Variants in PRKG1 observed in about 807,000 individuals in gnomAD.
PRKG1 encodes the protein protein kinase cGMP-dependent 1.
In PRKG1, 35 loss-of-function variants were observed where a neutral mutation model predicts 88.1. That is an observed-to-expected ratio of 0.40 (90% CI 0.30 to 0.53). The LOEUF (loss-of-function observed/expected upper bound fraction) is 0.53, where lower values mean the gene tolerates loss of function less well. Among genes scored for constraint, PRKG1 ranks in the 20% least tolerant of loss-of-function variants. PRKG1 has a pLI of 0.59. For synonymous variants in PRKG1, 303 were observed against 292.5 expected (o/e 1.04, Z -0.37); for missense variants, 540 against 839.8 (o/e 0.64, Z 4.41).
At chr10:52,237,535 A>T (rs1031017217) in intron 9 of PRKG1, among the ~76,000 whole-genome samples, 23 of 135,748 alleles carry the variant, frequency 1.7e-4, no homozygotes, top group African/African-American at 6.7e-4. Flanking sequence ...ACAGACAAAC[A>T]GAGAGCCAAA....
chr10:52,070,052 A>AG (rs1427062035), intron 7 of PRKG1, among the ~76,000 whole-genome samples: 2 of 152,164 alleles, frequency 1.3e-5, no homozygotes, highest in Non-Finnish European at 2.9e-5. Flanking sequence ...TAAACTCCAA[A>AG]TTAATTACTC....
chr10:51,808,955 C>G (rs1421626460), intron 4 of PRKG1, among the ~76,000 whole-genome samples: 2 of 152,082 alleles, frequency 1.3e-5, no homozygotes, highest in African/African-American at 2.4e-5. Context: ...ATGAGTGGCT[C>G]TCTATAATTT....
At chr10:51,753,396 T>C (rs1837777021) in intron 3 of PRKG1, among the ~76,000 whole-genome samples, 1 of 152,158 alleles carries the variant, frequency 6.6e-6, no homozygotes, top group Non-Finnish European at 1.5e-5. Flanking sequence ...GATGGTCTAT[T>C]TATATTTATC....
At chr10:51,783,762 C>A (rs1468156459) in intron 3 of PRKG1, among the ~76,000 whole-genome samples, 1 of 152,066 alleles carries the variant, frequency 6.6e-6, no homozygotes, top group Non-Finnish European at 1.5e-5. Flanking sequence ...AGAACCGCTG[C>A]CTAAGTTTTG....
intron 10 of PRKG1, among the ~76,000 whole-genome samples, chr10:52,263,808 T>C (rs1841496209): frequency 6.6e-6 from 1 of 152,000 alleles, no homozygotes; most frequent in Non-Finnish European, 1.5e-5. Context: ...TGAGCTCAAG[T>C]GATGGGCTCA....
chr10:52,139,281 G>T (rs1434702281), intron 8 of PRKG1, among the ~76,000 whole-genome samples: 2 of 152,078 alleles, frequency 1.3e-5, no homozygotes, highest in African/African-American at 2.4e-5. Flanking sequence ...TATTAAAATG[G>T]TTTTTTGTTC....
chr10:51,427,367 C>T (rs1307907287), intron 2 of PRKG1, among the ~76,000 whole-genome samples: 1 of 152,188 alleles, frequency 6.6e-6, no homozygotes, highest in African/African-American at 2.4e-5. Flanking sequence ...GCCCCTCATA[C>T]ACTAGCAAAG....
intron 3 of PRKG1, among the ~76,000 whole-genome samples, chr10:51,496,990 A>C (rs1840877509): frequency 6.6e-6 from 1 of 152,178 alleles, no homozygotes; most frequent in Admixed American, 6.5e-5. Flanking sequence ...GACTTCAATA[A>C]GTTAAATGGG....
chr10:51,531,320 G>C (rs1362250482), intron 3 of PRKG1, among the ~76,000 whole-genome samples: 2 of 152,128 alleles, frequency 1.3e-5, no homozygotes, highest in Non-Finnish European at 1.5e-5. Context: ...GTAACAATCA[G>C]CATTTTCATG....
intron 1 of PRKG1, among the ~76,000 whole-genome samples, chr10:51,097,059 A>T (rs1031977766): frequency 6.6e-5 from 10 of 152,088 alleles, no homozygotes; most frequent in African/African-American, 2.2e-4. Flanking sequence ...TCTTCCCCAA[A>T]TGTTAGGTCT....
At chr10:51,570,067 A>ATATATATATATATATATATATATTTATG (rs1491310201) in intron 3 of PRKG1, among the ~76,000 whole-genome samples, 1 of 113,078 alleles carries the variant, frequency 8.8e-6, no homozygotes, top group African/African-American at 3.6e-5. Context: ...ATATATATAT[A>ATATATATATATATATATATATATTTATG]TGTGTGTGTG....
chr10:51,666,251 G>T (rs1279204325), intron 3 of PRKG1, among the ~76,000 whole-genome samples: 1 of 152,166 alleles, frequency 6.6e-6, no homozygotes, highest in East Asian at 1.9e-4. Context: ...AAATGTAGAT[G>T]TCAATAGAAA....
At chr10:51,367,520 C>T (rs1020693324) in intron 2 of PRKG1, among the ~76,000 whole-genome samples, 5 of 151,914 alleles carry the variant, frequency 3.3e-5, no homozygotes, top group African/African-American at 1.2e-4. Context: ...ACAACTAGCT[C>T]CATAAAAGGA....
chr10:51,001,947 A>G (rs990096547), intron 1 of PRKG1, among the ~76,000 whole-genome samples: 3 of 60,540 alleles, frequency 5.0e-5, no homozygotes, highest in Non-Finnish European at 9.3e-5. Flanking sequence ...TATCAAGTAC[A>G]TATGGTCTTA....
At chr10:52,243,525 A>T (rs1273071776) in intron 9 of PRKG1, among the ~76,000 whole-genome samples, 2 of 152,182 alleles carry the variant, frequency 1.3e-5, no homozygotes, top group South Asian at 4.1e-4. Context: ...AGATAAAAAC[A>T]TCTTTAAAAT....
intron 2 of PRKG1, among the ~76,000 whole-genome samples, chr10:51,420,220 G>A (rs1838370118): frequency 6.6e-6 from 1 of 152,116 alleles, no homozygotes; most frequent in South Asian, 2.1e-4. Context: ...AGAATTGAGA[G>A]GTGGGTGCCA....
rs181433758 is a variant in PRKG1 at position 51,859,010 on chromosome 10, C to G, written c.699-48497C>G. Among the ~76,000 whole-genome samples, 54 of 152,220 alleles carry G rather than the reference C, an allele frequency of 3.5e-4. No homozygotes were observed. The East Asian group carries it at 7.9e-3, about 22-fold the overall frequency. On this transcript the variant is annotated intron_variant, in intron 4 of 17. Coordinates refer to ENST00000373980, the MANE Select transcript of PRKG1 (RefSeq NM_006258.4). The stretch of plus-strand genomic sequence containing the variant: ...AACACAATGCACTTGTCTCAACCCC[C>G]AAAGTGGCCTGCTCGATAGAACAAA...
At chr10:51,629,815 T>TA (rs1839478091) in intron 3 of PRKG1, among the ~76,000 whole-genome samples, 1 of 152,118 alleles carries the variant, frequency 6.6e-6, no homozygotes, top group Admixed American at 6.5e-5. Flanking sequence ...TGGGGAGTAA[T>TA]ACTCAAACTC....
chr10:52,170,047 A>G (rs1277394180), intron 9 of PRKG1, among the ~76,000 whole-genome samples: 1 of 152,230 alleles, frequency 6.6e-6, no homozygotes, highest in African/African-American at 2.4e-5. Flanking sequence ...GCATTCCCTT[A>G]GTTTAAAGCA....
Sources: allele counts gnomAD v4.1 joint callset (sites outside exome capture counted in the v4.1 genomes callset), GRCh38; gene constraint gnomAD v4.1.1; transcripts MANE v1.5; gene names NCBI Gene and HGNC (gene_info 2026-07-23, HGNC 2026-07-21).